The following RTL4 variants were observed in gnomAD, a reference collection of about 807,000 sequenced individuals.
The protein encoded by RTL4 is retrotransposon Gag like 4, also known as retrotransposon Gag-like protein 4.
A neutral mutation model predicts 5.3 loss-of-function variants in RTL4; 4 were observed. That is an observed-to-expected ratio of 0.75 (90% CI 0.37 to 1.72). RTL4 has a LOEUF of 1.72. RTL4 is among the 40% of genes most tolerant of loss of function. RTL4 has a pLI of 0.04. For synonymous variants in RTL4, 98 were observed against 87.3 expected (o/e 1.12, Z -0.68); for missense variants, 260 against 227.1 (o/e 1.14, Z -0.93).
chrX:112,413,168 C>G, the RTL4 span, among the ~76,000 whole-genome samples: 1 of 111,675 alleles, frequency 9.0e-6, no homozygotes, highest in African/African-American at 3.2e-5. Context: ...TCATCTCACC[C>G]CAGTTAAAAT....
At chrX:112,179,443 C>T in the RTL4 span, among the ~76,000 whole-genome samples, 1,896 of 111,422 alleles carry the variant, frequency 0.017, 21 homozygotes, top group Non-Finnish European at 0.026. Flanking sequence ...TGGCTATTTT[C>T]CTCTCTGGGT....
At chrX:112,436,117 G>A in the RTL4 span, among the ~76,000 whole-genome samples, 1 of 110,689 alleles carries the variant, frequency 9.0e-6, no homozygotes, top group Non-Finnish European at 1.9e-5. Context: ...CTCAGGAGGT[G>A]GAGGCAGTAG....
At chrX:112,190,178 T>G in the RTL4 span, among the ~76,000 whole-genome samples, 1 of 104,139 alleles carries the variant, frequency 9.6e-6, no homozygotes, top group African/African-American at 3.6e-5. Flanking sequence ...CTTTCTTTCT[T>G]TCTTTCTTTC....
chrX:112,200,290 C>G, the RTL4 span, among the ~76,000 whole-genome samples: 1 of 111,832 alleles, frequency 8.9e-6, no homozygotes, highest in East Asian at 2.8e-4. Flanking sequence ...ATTCTACTTT[C>G]TCACACATAT....
chrX:112,343,971 A>G, the RTL4 span, among the ~76,000 whole-genome samples: 1 of 111,940 alleles, frequency 8.9e-6, no homozygotes, highest in Non-Finnish European at 1.9e-5. Flanking sequence ...AATACTGAAT[A>G]ATGAGTGTTT....
chrX:112,277,003 T>A, the RTL4 span, among the ~76,000 whole-genome samples: 4 of 112,130 alleles, frequency 3.6e-5, no homozygotes, highest in Non-Finnish European at 7.5e-5. Context: ...CGAATGTTTC[T>A]TATGATTATC....
the RTL4 span, among the ~76,000 whole-genome samples, chrX:112,211,308 A>C: frequency 7.1e-5 from 8 of 112,145 alleles, no homozygotes; most frequent in Non-Finnish European, 1.5e-4. Context: ...AAAATAGATG[A>C]CTGTGTACCA....
the RTL4 span, among the ~76,000 whole-genome samples, chrX:112,363,791 C>T: frequency 9.0e-6 from 1 of 111,164 alleles, no homozygotes; most frequent in Admixed American, 9.6e-5. Context: ...CCATATTAAA[C>T]ACAACTTTTC....
chrX:112,233,795 A>C, the RTL4 span, among the ~76,000 whole-genome samples: 14 of 111,610 alleles, frequency 1.3e-4, no homozygotes, highest in African/African-American at 4.6e-4. Flanking sequence ...ACATAAAACA[A>C]CCAGTATAAT....
chrX:112,318,296 T>A, the RTL4 span, among the ~76,000 whole-genome samples: 65 of 111,595 alleles, frequency 5.8e-4, no homozygotes, highest in Non-Finnish European at 1.1e-3. Flanking sequence ...TCCTTAAACA[T>A]CTTACCCAAT....
the RTL4 span, among the ~76,000 whole-genome samples, chrX:112,365,394 A>G: frequency 9.0e-6 from 1 of 110,979 alleles, no homozygotes; most frequent in Admixed American, 9.6e-5. Context: ...GTAAGAAGTC[A>G]ATCATTTCAT....
chrX:112,384,695 C>CT, the RTL4 span, among the ~76,000 whole-genome samples: 1 of 111,617 alleles, frequency 9.0e-6, no homozygotes, highest in African/African-American at 3.3e-5. Context: ...AGTACAAGCT[C>CT]TTTTTTGATT....
At chrX:112,115,650 C>T in the RTL4 span, among the ~76,000 whole-genome samples, 4 of 111,857 alleles carry the variant, frequency 3.6e-5, no homozygotes. Context: ...CCCACCCCCC[C>T]GACAGGGCTT....
At chrX:112,327,351 T>G in the RTL4 span, among the ~76,000 whole-genome samples, 4 of 111,859 alleles carry the variant, frequency 3.6e-5, no homozygotes, top group Non-Finnish European at 7.5e-5. Flanking sequence ...AAGAACTACG[T>G]GAAGAATGCA....
At chrX:112,399,246 C>G in the RTL4 span, among the ~76,000 whole-genome samples, 5 of 111,450 alleles carry the variant, frequency 4.5e-5, no homozygotes, top group Non-Finnish European at 7.5e-5. Flanking sequence ...TAAAGGTTTA[C>G]CTATTTTATT....
chrX:112,284,007 T>G, the RTL4 span, among the ~76,000 whole-genome samples: 4 of 109,458 alleles, frequency 3.7e-5, no homozygotes, highest in Non-Finnish European at 7.6e-5. Context: ...ATTTATTTAT[T>G]TATTTATTTT....
the RTL4 span, among the ~76,000 whole-genome samples, chrX:112,316,985 C>T: frequency 8.9e-6 from 1 of 112,018 alleles, no homozygotes; most frequent in Non-Finnish European, 1.9e-5. Flanking sequence ...ATCTGAAAAC[C>T]ACATAGTACT....
At chrX:112,325,534 A>G in the RTL4 span, among the ~76,000 whole-genome samples, 4 of 112,313 alleles carry the variant, frequency 3.6e-5, no homozygotes, top group African/African-American at 1.3e-4. Flanking sequence ...AAACCTGACA[A>G]AAACAAGAAA....
exon 1 of RTL4, chrX:112,454,649 C>A: frequency 1.0e-6 from 1 of 956,030 alleles, no homozygotes; most frequent in Non-Finnish European, 1.4e-6. Flanking sequence ...TCTCTGATCA[C>A]AGAGCAAATC....
Sources: gnomAD v4.1 joint callset for allele counts (sites outside exome capture counted in the v4.1 genomes callset) on GRCh38, gnomAD v4.1.1 for gene constraint, MANE v1.5 for transcripts, NCBI Gene and HGNC (gene_info 2026-07-23, HGNC 2026-07-21) for gene names.